The following ZNF831 variants were observed in gnomAD, a reference collection of about 807,000 sequenced individuals.
The protein encoded by ZNF831 is zinc finger protein 831, also known as chromosome 20 open reading frame 174.
ZNF831 carries 59 observed loss-of-function variants against 95.8 expected under a neutral mutation model. The observed-to-expected ratio is 0.62, with a 90% CI of 0.50 to 0.77. ZNF831 has a LOEUF of 0.77. Among genes scored for constraint, ZNF831 ranks in the 30% least tolerant of loss-of-function variants. The pLI is 0.00. For synonymous variants in ZNF831, 961 were observed against 925.5 expected, an observed-to-expected ratio of 1.04 and a Z score of -0.70; for missense variants, 2,205 against 2,164.0, an observed-to-expected ratio of 1.02 and a Z score of -0.38.
chr20:59,184,846 T>A (rs939633274), intron 1 of ZNF831, among the ~76,000 whole-genome samples: 1 of 152,206 alleles, frequency 6.6e-6, no homozygotes, highest in Non-Finnish European at 1.5e-5. Flanking sequence ...AATTGTCACT[T>A]CTTCTCTTCA....
At chr20:59,124,340 A>G (rs929460788) in intron 1 of ZNF831, among the ~76,000 whole-genome samples, 1 of 152,180 alleles carries the variant, frequency 6.6e-6, no homozygotes, top group Non-Finnish European at 1.5e-5. Context: ...ACAGCTGGGT[A>G]CAGAGTCTGA....
upstream of ZNF831, among the ~76,000 whole-genome samples, chr20:59,158,892 G>A (rs142975392): frequency 2.9e-3 from 444 of 152,254 alleles, 1 homozygote; most frequent in African/African-American, 0.01. Context: ...TCATGACTAA[G>A]AAACGCAGGT....
At chr20:59,144,705 C>A (rs1014770062) in intron 1 of ZNF831, among the ~76,000 whole-genome samples, 5 of 152,154 alleles carry the variant, frequency 3.3e-5, no homozygotes, top group Non-Finnish European at 5.9e-5. Flanking sequence ...GCAGAGGCAC[C>A]ATTCTTTCCT....
chr20:59,185,647 C>G (rs1344238712), intron 1 of ZNF831, among the ~76,000 whole-genome samples: 2 of 152,170 alleles, frequency 1.3e-5, no homozygotes, highest in African/African-American at 4.8e-5. Context: ...CTGCGTGTGC[C>G]TCGTCCTCCT....
intron 3 of ZNF831, among the ~76,000 whole-genome samples, chr20:59,198,579 G>T (rs1334387362): frequency 2.6e-5 from 4 of 152,116 alleles, no homozygotes; most frequent in African/African-American, 9.7e-5. Flanking sequence ...GGAACTAGAC[G>T]GCCTCTCCAC....
In ZNF831 at chr20:59,194,460, G is replaced by A; in HGVS notation, c.3441G>A (p.Trp1147Ter). The stretch of plus-strand genomic sequence containing the variant: ...GGCCTCAGGGTGTGCCCCCAGGCTG[G>A]CCAGAGCTGGCCTTGTCTTCCCACT... ...LTRPQGVPPGWPELALSSHSG... is the reference protein window; with the variant it reads ...LTRPQGVPPG The change falls in exon 2 of 6, where the codon TGG (tryptophan) becomes TGA (stop). Residue 1147 changes from tryptophan (W) to a stop codon, truncating the protein, a stop_gained. Transcript: ENST00000371030. LOFTEE classifies it high-confidence loss of function. The A allele has an allele frequency of 6.2e-7, 1 of 1,612,948 alleles. No individual in the cohort carries two copies. The highest frequency in any genetic ancestry group is 2.2e-5 in the East Asian group (1 of 44,866).
chr20:59,180,007 C>T (rs1033686386), intron 1 of ZNF831, among the ~76,000 whole-genome samples: 2 of 152,088 alleles, frequency 1.3e-5, no homozygotes, highest in African/African-American at 2.4e-5. Context: ...CTCCTTGGAG[C>T]GTGAAATATT....
chr20:59,160,495 C>G (rs995241989), upstream of ZNF831: 3 of 152,374 alleles, frequency 2.0e-5, no homozygotes, highest in Non-Finnish European at 4.4e-5. Context: ...GCCGAGTTTC[C>G]TGCTGAGACC....
upstream of ZNF831, among the ~76,000 whole-genome samples, chr20:59,162,934 C>T (rs1980963209): frequency 6.6e-6 from 1 of 151,562 alleles, no homozygotes. Context: ...AGTGTTTTAT[C>T]ATTTGTTTGT....
intron 1 of ZNF831, among the ~76,000 whole-genome samples, chr20:59,136,678 G>T (rs1601291151): frequency 6.6e-6 from 1 of 152,146 alleles, no homozygotes; most frequent in Admixed American, 6.5e-5. Flanking sequence ...AGGATAAAAT[G>T]TTGGAATTTG....
At chr20:59,178,919 C>A (rs765970912) in intron 1 of ZNF831, among the ~76,000 whole-genome samples, 2 of 152,154 alleles carry the variant, frequency 1.3e-5, no homozygotes, top group Non-Finnish European at 2.9e-5. Flanking sequence ...CTCCAGAGCC[C>A]GCTCTCTTTT....
chr20:59,170,791 G>A (rs895005422), intron 1 of ZNF831, among the ~76,000 whole-genome samples: 24 of 152,334 alleles, frequency 1.6e-4, no homozygotes, highest in African/African-American at 5.8e-4. Context: ...TGGAAGAGAT[G>A]TGATTTGCCC....
Position 59,254,560 on chromosome 20 carries a change from A to G in ZNF831, c.4851A>G (p.Val1617=), listed in dbSNP as rs950360144. ...GAAGTGACGGTAGGAAACGTCAGGTATCTGGATTAATCACTCGGAAAGATT... is the reference window on the plus strand; with the variant it reads ...GAAGTGACGGTAGGAAACGTCAGGTGTCTGGATTAATCACTCGGAAAGATT... ...SLGSDGRKRQ[V]SGLITRKDSV... is the part of the protein sequence containing the mutation. Residue 1617 remains valine, a synonymous_variant, in exon 6 of 6, where the codon GTA becomes GTG. Transcript: ENST00000371030. This position sits in a 1 kb window ranked among gnomAD's most constrained non-coding sequence, Gnocchi z 4.5. The G allele has an allele frequency of 5.6e-6, 9 of 1,613,950 alleles. No homozygotes were observed. Among genetic ancestry groups the G allele is most frequent in the South Asian group, 1.1e-5 (1 of 91,088 alleles).
At chr20:59,222,332 AC>A (rs1436321008) in intron 4 of ZNF831, among the ~76,000 whole-genome samples, 1 of 151,366 alleles carries the variant, frequency 6.6e-6, no homozygotes, top group African/African-American at 2.4e-5. Context: ...CGCTCCCGAG[AC>A]CCCCCTACCC....
intron 1 of ZNF831, among the ~76,000 whole-genome samples, chr20:59,171,563 A>AGGCT (rs1178113595): frequency 1.3e-5 from 2 of 152,248 alleles, no homozygotes; most frequent in African/African-American, 4.8e-5. Context: ...TACTCAGCAC[A>AGGCT]GGCTGTATCA....
At chr20:59,211,282 C>A (rs574034951) in intron 4 of ZNF831, among the ~76,000 whole-genome samples, 3 of 152,290 alleles carry the variant, frequency 2.0e-5, no homozygotes, top group South Asian at 4.1e-4. Context: ...GGGCCTAGGT[C>A]CCTGGCTCCC....
chr20:59,149,643 G>A (rs551092541), intron 2 of ZNF831, among the ~76,000 whole-genome samples: 7 of 152,342 alleles, frequency 4.6e-5, no homozygotes, highest in South Asian at 2.1e-4. Context: ...TTGGCCTGTC[G>A]GAGAGAGAGG....
Position 59,254,766 on chromosome 20 carries a change from C to CTT in ZNF831, c.*24_*25insTT, listed in dbSNP as rs3041675. ...TGAAGCTTCCAGAGAAACATGGTGT[C>CTT]TGGTCAAAAAGACTGTTGACGCTTC... is the stretch of plus-strand genomic sequence containing the variant. On this transcript the variant is annotated 3_prime_UTR_variant, in exon 6 of 6. Coordinates refer to ENST00000371030, the MANE Select transcript of ZNF831 (RefSeq NM_178457.3). The surrounding 1 kb of genome is among the most constrained non-coding windows in gnomAD (Gnocchi z 4.5). 881,162 of 1,577,450 alleles carry CTT rather than the reference C, an allele frequency of 0.56. 253,239 individuals are homozygous for CTT. Among genetic ancestry groups the CTT allele is most frequent in the East Asian group, 0.89 (39,928 of 44,630 alleles).
At chr20:59,221,630 CTAAT>C (rs1986080147) in intron 4 of ZNF831, among the ~76,000 whole-genome samples, 1 of 152,196 alleles carries the variant, frequency 6.6e-6, no homozygotes, top group African/African-American at 2.4e-5. Flanking sequence ...CAGCCCTGTC[CTAAT>C]TAGGAGTCTT....
Sources: allele counts gnomAD v4.1 joint callset (sites outside exome capture counted in the v4.1 genomes callset), GRCh38; gene constraint gnomAD v4.1.1; non-coding constraint Gnocchi (gnomAD v3.1); transcripts MANE v1.5; gene names NCBI Gene and HGNC (gene_info 2026-07-23, HGNC 2026-07-21).